The following MOG variants were observed in gnomAD, a reference collection of about 807,000 sequenced individuals.
The protein encoded by MOG is myelin-oligodendrocyte glycoprotein.
Under a neutral mutation model 35.9 loss-of-function variants are expected in MOG, and 20 were observed. That is an observed-to-expected ratio of 0.56 (90% CI 0.39 to 0.81). The LOEUF (loss-of-function observed/expected upper bound fraction) is 0.81, where lower values mean the gene tolerates loss of function less well. MOG is among the 30% of genes least tolerant of loss of function. The pLI, the probability that MOG is intolerant of heterozygous loss-of-function variation, is 0.00. For missense variants in MOG, 251 were observed against 301.0 expected (o/e 0.83, Z 1.23); for synonymous variants, 92 against 114.3 (o/e 0.80, Z 1.25).
chr6:29,660,994 C>A (rs1020153808), intron 2 of MOG, among the ~76,000 whole-genome samples: 1 of 152,172 alleles, frequency 6.6e-6, no homozygotes. Flanking sequence ...CAGGCATGAG[C>A]CATGGTGCCC....
At position 29,672,326 on chromosome 6, in the gene MOG, AAATAAATAAAAAAT is replaced by A; in HGVS notation, c.*1147_*1160del. On this transcript the variant is annotated 3_prime_UTR_variant, in exon 8 of 8. Coordinates refer to ENST00000376917, the MANE Select transcript of MOG (RefSeq NM_206809.4). Reference sequence around the variant, plus strand: ...TAAATAAATAAATAAATAAATAAATAAATAAATAAAAAATAATAATACAAGTTTTCATAAGCACA... The same window carrying A: ...TAAATAAATAAATAAATAAATAAATAAATAATACAAGTTTTCATAAGCACA... The A allele has an allele frequency of 3.6e-6, 1 of 277,202 alleles. No individual in the cohort carries two copies. Among genetic ancestry groups the A allele is most frequent in the South Asian group, 1.8e-4 (1 of 5,500 alleles). 17.2% of individuals were successfully genotyped at this position (277,202 alleles called of 1,614,324 possible).
chr6:29,669,840 G>A (rs1254736833), intron 5 of MOG, among the ~76,000 whole-genome samples: 1 of 152,014 alleles, frequency 6.6e-6, no homozygotes, highest in East Asian at 2.0e-4. Flanking sequence ...GCAGGATCTT[G>A]GCTCACTGCA....
intron 2 of MOG, chr6:29,661,848 C>CA (rs1562186725): frequency 1.0e-6 from 1 of 954,496 alleles, no homozygotes; most frequent in Non-Finnish European, 1.2e-6. Context: ...ACAAGGAAGA[C>CA]AAAAAGAAAA....
chr6:29,668,323 C>G (rs1416783104), intron 5 of MOG, among the ~76,000 whole-genome samples: 1 of 152,138 alleles, frequency 6.6e-6, no homozygotes, highest in Non-Finnish European at 1.5e-5. Context: ...TTTACAAACT[C>G]AGGATGTTTC....
At chr6:29,658,904 G>C (rs1767813855) in intron 1 of MOG, among the ~76,000 whole-genome samples, 1 of 152,214 alleles carries the variant, frequency 6.6e-6, no homozygotes, top group Non-Finnish European at 1.5e-5. Context: ...CTGAGGTCAG[G>C]AGTTCGAGAC....
At chr6:29,669,120 C>T (rs1770857228) in intron 5 of MOG, among the ~76,000 whole-genome samples, 1 of 152,078 alleles carries the variant, frequency 6.6e-6, no homozygotes, top group Admixed American at 6.5e-5. Context: ...TAGGTTTCAC[C>T]AGGTTGGCCA....
intron 2 of MOG, among the ~76,000 whole-genome samples, chr6:29,665,182 C>T (rs1436825689): frequency 3.3e-5 from 5 of 151,756 alleles, no homozygotes; most frequent in Admixed American, 6.6e-5. Flanking sequence ...CCTCAACCTC[C>T]GCCTCCTGGG....
At chr6:29,666,544 G>A (rs1283775487) in intron 3 of MOG, among the ~76,000 whole-genome samples, 1 of 152,180 alleles carries the variant, frequency 6.6e-6, no homozygotes, top group Non-Finnish European at 1.5e-5. Context: ...GAGTAGTTCA[G>A]TGACTTACTC....
rs1230054090 is a variant in MOG, at chr6:29,659,486, C to A, written c.256C>A (p.Gln86Lys). The A allele has an allele frequency of 6.2e-7, 1 of 1,613,020 alleles. No homozygotes were observed. Among genetic ancestry groups the A allele is most frequent in the African/African-American group, 1.3e-5 (1 of 75,024 alleles). ...VVHLYRNGKD[Q>K]DGDQAPEYRG... is the part of the protein sequence containing the mutation. ...TCATCTCTACAGAAATGGCAAGGAC[C>A]AAGATGGAGACCAGGCACCTGAATA... The change falls in exon 2 of 8, where the codon CAA (glutamine) becomes AAA (lysine). Residue 86 changes from glutamine to lysine, a missense_variant. Coordinates refer to ENST00000376917, the MANE Select transcript of MOG (RefSeq NM_206809.4).
chr6:29,660,509 G>C, intron 2 of MOG, among the ~76,000 whole-genome samples: 1 of 141,716 alleles, frequency 7.1e-6, no homozygotes, highest in Non-Finnish European at 1.5e-5. Context: ...CAGCATGGGG[G>C]ACACAGCGAG....
At chr6:29,668,406 A>G (rs9468582) in intron 5 of MOG, among the ~76,000 whole-genome samples, 2,917 of 152,316 alleles carry the variant, frequency 0.019, 102 homozygotes, top group African/African-American at 0.066. Flanking sequence ...CCCACTAGGA[A>G]TTGACCCCTC....
intron 5 of MOG, among the ~76,000 whole-genome samples, chr6:29,669,146 C>T (rs1770870132): frequency 6.6e-6 from 1 of 152,042 alleles, no homozygotes; most frequent in Admixed American, 6.6e-5. Context: ...GCCTCGAACT[C>T]CTGACCTCAG....
chr6:29,663,741 G>GA (rs892953438), intron 2 of MOG, among the ~76,000 whole-genome samples: 8 of 152,146 alleles, frequency 5.3e-5, no homozygotes, highest in East Asian at 1.9e-4. Context: ...GGGGTTGGGA[G>GA]AAAAAAACCC....
intron 4 of MOG, 107 bp from the exon 5 acceptor site, chr6:29,667,796 GT>G: frequency 6.5e-7 from 1 of 1,527,702 alleles, no homozygotes; most frequent in Non-Finnish European, 9.1e-7. Flanking sequence ...TCTACAGTGG[GT>G]GTGTCGTGCC....
chr6:29,665,581 C>T (rs1372589212), intron 2 of MOG, among the ~76,000 whole-genome samples: 1 of 151,864 alleles, frequency 6.6e-6, no homozygotes, highest in Non-Finnish European at 1.5e-5. Flanking sequence ...TACCACTGTC[C>T]TAGTTCAGGT....
Position 29,671,621 on chromosome 6 carries a change from C to A in MOG, c.*436C>A. On this transcript the variant is annotated 3_prime_UTR_variant, in exon 8 of 8. Transcript: ENST00000376917. ...AGACTCCAGCCCTGATTGCGCAAAA[C>A]TGAAAGGCATGTGAAGGGAAGGAAG... 1.5e-6 allele frequency: 1 copy of A among 659,458 alleles called. No homozygotes were observed. The highest frequency in any genetic ancestry group is 2.7e-6 in the Non-Finnish European group (1 of 367,720). The allele number at this position is 659,458 out of a possible 1,614,324, so 40.9% of individuals were successfully genotyped here. A position where few individuals can be genotyped will look rare whatever the true frequency, so the allele number is the denominator to read the frequency against.
Position 29,671,249 on chromosome 6 carries a change from C to T in MOG, c.*64C>T. On this transcript the variant is annotated 3_prime_UTR_variant, in exon 8 of 8. Coordinates refer to ENST00000376917, the MANE Select transcript of MOG (RefSeq NM_206809.4). ...TTGCCCAGGGATTTGTCCTTGGGGA[C>T]ATCTCATCCATCAAGTTGCACACTC... 6.2e-7 allele frequency: 1 copy of T among 1,612,250 alleles called. No homozygotes were observed.
rs1473593634 is a variant in MOG, at chr6:29,663,938, T to A, written c.437-2214T>A. 4 of 969,946 alleles carry A rather than the reference T, an allele frequency of 4.1e-6. 1 individual carries two copies. The highest frequency in any genetic ancestry group is 2.5e-6 in the Non-Finnish European group (2 of 816,292). The allele number at this position is 969,946 out of a possible 1,614,324, so 60.1% of individuals were successfully genotyped here. On this transcript the variant is annotated intron_variant, in intron 2 of 7. Transcript: ENST00000376917. Reference sequence around the variant, plus strand: ...GTTTAATGTTATTAGCTGTGATGTATCCCTACCTTTGATGTCATTATCCTT... The same window carrying A: ...GTTTAATGTTATTAGCTGTGATGTAACCCTACCTTTGATGTCATTATCCTT...
In MOG at chr6:29,662,532, C is replaced by T. The variant is rs1260022285; in HGVS notation, c.436+2866C>T. ...CCAGAGATAATATTATAATGAGCCTCCAAGTGCCTACCACCTTGCTGCAGC... is the reference window on the plus strand; with the variant it reads ...CCAGAGATAATATTATAATGAGCCTTCAAGTGCCTACCACCTTGCTGCAGC... On this transcript the variant is annotated intron_variant, in intron 2 of 7. Transcript: ENST00000376917. This position sits in a 1 kb window ranked among gnomAD's most constrained non-coding sequence, Gnocchi z 4.2. Among the ~76,000 whole-genome samples, 1 of 152,064 alleles carries T rather than the reference C, an allele frequency of 6.6e-6. No homozygotes were observed. The highest frequency in any genetic ancestry group is 2.1e-4 in the South Asian group (1 of 4,818).
Sources: gnomAD v4.1 joint callset for allele counts (sites outside exome capture counted in the v4.1 genomes callset) on GRCh38, gnomAD v4.1.1 for gene constraint, Gnocchi (gnomAD v3.1) non-coding constraint, MANE v1.5 for transcripts, NCBI Gene and HGNC (gene_info 2026-07-23, HGNC 2026-07-21) for gene names.